The following CDR2 variants were observed in gnomAD, a reference collection of about 807,000 sequenced individuals.
CDR2 encodes the protein cerebellar degeneration-related protein 2.
A neutral mutation model predicts 48.4 loss-of-function variants in CDR2; 34 were observed. The ratio of observed to expected loss-of-function variants is 0.70; its 90% CI spans 0.53 to 0.94. CDR2 has a LOEUF of 0.94. Among genes scored for constraint, CDR2 ranks in the 40% least tolerant of loss-of-function variants. CDR2 has a pLI of 0.00. For synonymous variants in CDR2, 240 were observed against 219.7 expected, an observed-to-expected ratio of 1.09 and a Z score of -0.82; for missense variants, 498 against 549.5, an observed-to-expected ratio of 0.91 and a Z score of 0.94.
At chr16:22,362,362 TA>T (rs1040261605) in intron 2 of CDR2, among the ~76,000 whole-genome samples, 3 of 152,218 alleles carry the variant, frequency 2.0e-5, no homozygotes, top group African/African-American at 7.2e-5. Context: ...TGATCTAGCT[TA>T]AATGTTTAAT....
At position 22,365,124 on chromosome 16, in the gene CDR2, GGT is replaced by G. The variant is rs985075902; in HGVS notation, c.80-112_80-111del. The G allele has an allele frequency of 8.5e-6, 6 of 704,718 alleles. No individual in the cohort carries two copies. The African/African-American group carries it at 1.1e-4, about 12-fold the overall frequency. 43.7% of individuals were successfully genotyped at this position (704,718 alleles called of 1,614,324 possible). On this transcript the variant is annotated intron_variant, in intron 1 of 4. Transcript: ENST00000268383. ...TAGTTTAAGTCACATCCCAATGGAA[GGT>G]GGAGTGGCACAGAAGGAAACCCGAG... is the stretch of plus-strand genomic sequence containing the variant.
chr16:22,374,346 CCGTCCCG>C lies in CDR2; in HGVS notation c.-44_-38del. On this transcript the variant is annotated 5_prime_UTR_variant, in exon 1 of 5. Transcript: ENST00000268383. Reference sequence around the variant, plus strand: ...CTTCTAGGGGCAGCGGCCCCCGCCGCCGTCCCGCCTCAGCCGCTGCCCCGGGCTCTTC... The same window carrying C: ...CTTCTAGGGGCAGCGGCCCCCGCCGCCCTCAGCCGCTGCCCCGGGCTCTTC... The C allele has an allele frequency of 1.4e-6, 2 of 1,468,668 alleles. No individual in the cohort carries two copies. Among genetic ancestry groups the C allele is most frequent in the Non-Finnish European group, 1.9e-6 (2 of 1,065,486 alleles). The allele number at this position is 1,468,668 out of a possible 1,614,324, so 91.0% of individuals were successfully genotyped here.
At position 22,374,304 on chromosome 16, in the gene CDR2, C is replaced by T. The variant is rs1024570310; in HGVS notation, c.6G>A (p.Leu2=). 7 of 1,599,060 alleles carry T rather than the reference C, an allele frequency of 4.4e-6. No homozygotes were observed. In the Admixed American group the frequency reaches 6.8e-5, roughly 16 times the overall value. The part of the protein sequence containing the change: M[L]AENLVEEFEM... ...CAAACTCCTCTACCAGGTTTTCCGC[C>T]AGCATCTCGGCTGGGTCTTCTAGGG... Residue 2 remains leucine (L), a synonymous_variant, in exon 1 of 5, where the codon CTG becomes CTA. Coordinates refer to ENST00000268383, the MANE Select transcript of CDR2 (RefSeq NM_001802.2).
intron 1 of CDR2, among the ~76,000 whole-genome samples, chr16:22,366,633 T>C (rs2049046372): frequency 1.3e-5 from 2 of 151,824 alleles, no homozygotes; most frequent in Non-Finnish European, 2.9e-5. Context: ...GAGCAGAATG[T>C]ATTGGGCAGG....
At chr16:22,369,472 T>C (rs1055051238) in intron 1 of CDR2, among the ~76,000 whole-genome samples, 7 of 152,118 alleles carry the variant, frequency 4.6e-5, no homozygotes, top group African/African-American at 7.2e-5. Context: ...CTTTAGTAGA[T>C]AGCAAACAAA....
chr16:22,363,896 T>C (rs769677446), intron 2 of CDR2, among the ~76,000 whole-genome samples: 70 of 152,300 alleles, frequency 4.6e-4, no homozygotes, highest in South Asian at 2.1e-3. Context: ...TAGTCTAGCA[T>C]CTTTCATTTT....
In CDR2 at chr16:22,347,623, T is replaced by A. The variant is rs753380470; in HGVS notation, c.707A>T (p.Gln236Leu). ...TCGGTAGGCACCTGTGGCCCCCAGCTGCTGCTCCAGTTCACTGTTCTCCTT... is the reference window on the plus strand; with the variant it reads ...TCGGTAGGCACCTGTGGCCCCCAGCAGCTGCTCCAGTTCACTGTTCTCCTT... ...VLKENSELEQ[Q>L]LGATGAYRAR... The change falls in exon 5 of 5, where the codon CAG (glutamine) becomes CTG (leucine). Residue 236 changes from glutamine (Q) to leucine (L), a missense_variant. Physicochemically the swap from Gln to Leu is moderately radical, Grantham distance 113. Transcript: ENST00000268383. 2.5e-6 allele frequency: 4 copies of A among 1,614,192 alleles called. No individual in the cohort carries two copies. The Admixed American group carries it at 6.7e-5, about 27-fold the overall frequency.
At chr16:22,364,134 G>A (rs1189614360) in intron 2 of CDR2, among the ~76,000 whole-genome samples, 2 of 151,866 alleles carry the variant, frequency 1.3e-5, no homozygotes, top group Non-Finnish European at 2.9e-5. Flanking sequence ...GTAGAGATGG[G>A]GTTTTACCAC....
chr16:22,364,871 A>G (rs2049034767), intron 2 of CDR2, 31 bp downstream of exon 2: 2 of 1,327,640 alleles, frequency 1.5e-6, no homozygotes, highest in Non-Finnish European at 2.2e-6. Context: ...TCGAAGTGTC[A>G]AAAGTGTAAC....
chr16:22,356,314 A>G (rs995699610), intron 2 of CDR2, among the ~76,000 whole-genome samples: 1 of 152,218 alleles, frequency 6.6e-6, no homozygotes. Flanking sequence ...TAACCTCTTC[A>G]GAAGCCTTTT....
chr16:22,369,597 A>T (rs2141854558), intron 1 of CDR2, among the ~76,000 whole-genome samples: 1 of 151,476 alleles, frequency 6.6e-6, no homozygotes, highest in Admixed American at 6.5e-5. Context: ...TGTTAAGGAT[A>T]GAATTTTAAC....
At chr16:22,372,150 A>C (rs1240271656) in intron 1 of CDR2, among the ~76,000 whole-genome samples, 11 of 152,094 alleles carry the variant, frequency 7.2e-5, no homozygotes, top group Admixed American at 1.3e-4. Flanking sequence ...GATTACAGGC[A>C]TGAGTCACTG....
At chr16:22,350,590 T>C (rs894124253) in intron 2 of CDR2, among the ~76,000 whole-genome samples, 12 of 152,298 alleles carry the variant, frequency 7.9e-5, no homozygotes, top group African/African-American at 2.9e-4. Context: ...ATTTTTATTA[T>C]ACCACAATAC....
At chr16:22,350,391 T>C (rs953585102) in intron 2 of CDR2, among the ~76,000 whole-genome samples, 2 of 152,134 alleles carry the variant, frequency 1.3e-5, no homozygotes, top group African/African-American at 4.8e-5. Context: ...GATTCAATTA[T>C]TGGCCATTGG....
chr16:22,357,112 G>C (rs924229610), intron 2 of CDR2, among the ~76,000 whole-genome samples: 1 of 152,088 alleles, frequency 6.6e-6, no homozygotes, highest in Admixed American at 6.6e-5. Context: ...CTGGAGGCAC[G>C]ATCTCAGCTC....
chr16:22,362,880 C>G (rs902210255), intron 2 of CDR2, among the ~76,000 whole-genome samples: 1 of 152,076 alleles, frequency 6.6e-6, no homozygotes, highest in South Asian at 2.1e-4. Flanking sequence ...AGCCACCATG[C>G]CTAGCCTAGT....
At chr16:22,365,349 T>C (rs1025965837) in intron 1 of CDR2, among the ~76,000 whole-genome samples, 3 of 152,240 alleles carry the variant, frequency 2.0e-5, no homozygotes, top group East Asian at 1.9e-4. Context: ...GACAGTCTAC[T>C]TTTTTGAATG....
chr16:22,365,569 G>C (rs758640186), intron 1 of CDR2, among the ~76,000 whole-genome samples: 1 of 152,176 alleles, frequency 6.6e-6, no homozygotes, highest in Non-Finnish European at 1.5e-5. Context: ...CCTTCTGTAA[G>C]ATGAGCAACT....
chr16:22,359,380 C>T (rs1360719758), intron 2 of CDR2, among the ~76,000 whole-genome samples: 1 of 152,186 alleles, frequency 6.6e-6, no homozygotes, highest in East Asian at 1.9e-4. Context: ...CTGCCTCAGC[C>T]TCCCAAAGTG....
Sources: gnomAD v4.1 joint callset for allele counts (sites outside exome capture counted in the v4.1 genomes callset) on GRCh38, gnomAD v4.1.1 for gene constraint, MANE v1.5 for transcripts, NCBI Gene and HGNC (gene_info 2026-07-23, HGNC 2026-07-21) for gene names.